The following TSHZ2 variants were observed in gnomAD, a reference collection of about 807,000 sequenced individuals.
The protein encoded by TSHZ2 is teashirt homolog 2.
In TSHZ2, 21 loss-of-function variants were observed where a neutral mutation model predicts 74.4. The ratio of observed to expected loss-of-function variants is 0.28; its 90% CI spans 0.20 to 0.41. The LOEUF (loss-of-function observed/expected upper bound fraction) is 0.41. Among genes scored for constraint, TSHZ2 ranks in the 10% least tolerant of loss-of-function variants. The pLI, the probability that TSHZ2 is intolerant of heterozygous loss-of-function variation, is 1.00. For synonymous variants in TSHZ2, 540 were observed against 515.3 expected (o/e 1.05, Z -0.65); for missense variants, 1,244 against 1,293.5 (o/e 0.96, Z 0.59).
chr20:53,179,575 C>T (rs756962234), intron 1 of TSHZ2: 1 of 152,180 alleles, frequency 6.6e-6, no homozygotes, highest in Non-Finnish European at 1.5e-5. Flanking sequence ...AGTAGGCTTA[C>T]TGAGTGATAG....
intron 2 of TSHZ2, among the ~76,000 whole-genome samples, chr20:53,338,622 AC>A (rs1980052889): frequency 6.6e-6 from 1 of 152,200 alleles, no homozygotes. Flanking sequence ...GCAGATAGAC[AC>A]CAGGGAAGCT....
At chr20:53,482,631 G>T (rs1986184855) in intron 2 of TSHZ2, among the ~76,000 whole-genome samples, 1 of 151,962 alleles carries the variant, frequency 6.6e-6, no homozygotes, top group Non-Finnish European at 1.5e-5. Context: ...GGCTGCACAT[G>T]GTGGCTCACG....
chr20:53,495,185 G>T lies in TSHZ2; in HGVS notation c.*8050G>T, dbSNP rs969182553. 13 of 152,232 alleles carry T rather than the reference G, an allele frequency of 8.5e-5. No homozygotes were observed. The highest frequency in any genetic ancestry group is 3.1e-4 in the African/African-American group (13 of 41,540). The allele number at this position is 152,232 out of a possible 1,614,324, so 9.4% of individuals were successfully genotyped here. On this transcript the variant is annotated 3_prime_UTR_variant, in exon 3 of 3. Coordinates refer to ENST00000371497, the MANE Select transcript of TSHZ2 (RefSeq NM_173485.6). ...CACAGATGCACTTAAAACATGAAAA[G>T]AATTATTTATATGATAAAAATATAT...
chr20:53,451,050 G>GA (rs935720784), intron 2 of TSHZ2, among the ~76,000 whole-genome samples: 3 of 151,912 alleles, frequency 2.0e-5, no homozygotes, highest in African/African-American at 7.3e-5. Flanking sequence ...AAACCTTTCT[G>GA]AAAAAAGTTG....
intron 1 of TSHZ2, among the ~76,000 whole-genome samples, chr20:53,014,192 C>T (rs555506058): frequency 7.1e-5 from 8 of 112,300 alleles, no homozygotes; most frequent in South Asian, 3.3e-4. Context: ...TCTCTTCATA[C>T]GGCAGAGAGA....
rs1223054915 is a variant in TSHZ2 at position 53,492,216 on chromosome 20, C to A, written c.*5081C>A. On this transcript the variant is annotated 3_prime_UTR_variant, in exon 3 of 3. Transcript: ENST00000371497. The stretch of plus-strand genomic sequence containing the variant: ...TATTAACAGAATTTGAACAATCATA[C>A]AATTATGTCTCAAATGTGAAGACTT... 6.6e-6 allele frequency: 1 copy of A among 152,138 alleles called. No individual in the cohort carries two copies. The highest frequency in any genetic ancestry group is 1.5e-5 in the Non-Finnish European group (1 of 68,026). 9.4% of individuals were successfully genotyped at this position (152,138 alleles called of 1,614,324 possible). A position where few individuals can be genotyped will look rare whatever the true frequency, so the allele number is the denominator to read the frequency against.
intron 1 of TSHZ2, among the ~76,000 whole-genome samples, chr20:53,196,801 G>C (rs905464173): frequency 6.6e-6 from 1 of 152,232 alleles, no homozygotes. Flanking sequence ...AGTCTTCACA[G>C]ATCTGTATTT....
At chr20:53,044,495 TCACTTAGCAAGAC>T (rs143671965) in intron 1 of TSHZ2, among the ~76,000 whole-genome samples, 3,179 of 152,254 alleles carry the variant, frequency 0.021, 94 homozygotes, top group South Asian at 0.14. Flanking sequence ...CCAGTAGCTC[TCACTTAGCAAGAC>T]ACTAGCTACG....
intron 1 of TSHZ2, among the ~76,000 whole-genome samples, chr20:53,165,715 G>A (rs1054907950): frequency 3.3e-5 from 5 of 152,346 alleles, no homozygotes; most frequent in African/African-American, 7.2e-5. Flanking sequence ...TAGTTAAGGC[G>A]TAGTTTGTGT....
At chr20:53,392,959 G>A (rs1401788463) in intron 2 of TSHZ2, among the ~76,000 whole-genome samples, 3 of 151,948 alleles carry the variant, frequency 2.0e-5, no homozygotes, top group Non-Finnish European at 2.9e-5. Flanking sequence ...TCAACCTCCC[G>A]AGTAGCTGGG....
chr20:53,022,457 T>C (rs549933256), intron 1 of TSHZ2, among the ~76,000 whole-genome samples: 4 of 152,316 alleles, frequency 2.6e-5, no homozygotes, highest in African/African-American at 9.6e-5. Context: ...TTTGATCAAA[T>C]TGGGCCAAAG....
At chr20:53,359,150 A>G (rs1175869045) in intron 2 of TSHZ2, among the ~76,000 whole-genome samples, 2 of 152,114 alleles carry the variant, frequency 1.3e-5, no homozygotes, top group Non-Finnish European at 2.9e-5. Flanking sequence ...ACATTATTTC[A>G]TCATTCGATC....
chr20:53,148,807 T>G (rs1368348648), intron 1 of TSHZ2, among the ~76,000 whole-genome samples: 2 of 152,178 alleles, frequency 1.3e-5, no homozygotes, highest in Non-Finnish European at 2.9e-5. Context: ...ATTGGAAATT[T>G]TATTGCTTTT....
At chr20:53,071,999 T>C (rs898724777) in intron 1 of TSHZ2, among the ~76,000 whole-genome samples, 2 of 152,142 alleles carry the variant, frequency 1.3e-5, no homozygotes, top group East Asian at 1.9e-4. Flanking sequence ...TGTCAGCTTG[T>C]GGGGTAGAGA....
chr20:53,405,006 T>C (rs974653848), intron 2 of TSHZ2, among the ~76,000 whole-genome samples: 1 of 152,202 alleles, frequency 6.6e-6, no homozygotes, highest in Non-Finnish European at 1.5e-5. Context: ...ATCTAGCATT[T>C]TGGGAGGCCG....
At chr20:53,176,811 C>T (rs1328204262) in intron 1 of TSHZ2, among the ~76,000 whole-genome samples, 5 of 151,726 alleles carry the variant, frequency 3.3e-5, no homozygotes, top group Admixed American at 6.6e-5. Context: ...CTCAGCCTCC[C>T]GAGTAGCTGG....
chr20:53,178,360 C>G (rs1214485935), intron 1 of TSHZ2: 1 of 152,232 alleles, frequency 6.6e-6, no homozygotes, highest in Non-Finnish European at 1.5e-5. Flanking sequence ...TTCTGCCTGT[C>G]ACTCTGAGAA....
In TSHZ2 at chr20:53,122,853, G is replaced by C. The variant is rs79886710; in HGVS notation, c.41-130646G>C. ...AGAATTGGTGGGGGACAGGGCATGA[G>C]GAAGGCCCACTCTCAACCCCCACTT... On this transcript the variant is annotated intron_variant, in intron 1 of 2. Coordinates refer to ENST00000371497, the MANE Select transcript of TSHZ2 (RefSeq NM_173485.6). 1.7e-3 allele frequency among the ~76,000 whole-genome samples: 257 copies of C among 152,276 alleles called. 3 individuals are homozygous for C. Among genetic ancestry groups the C allele is most frequent in the Middle Eastern group, 3.4e-3 (1 of 294 alleles).
chr20:53,029,492 A>G (rs1983560906), intron 1 of TSHZ2, among the ~76,000 whole-genome samples: 1 of 152,206 alleles, frequency 6.6e-6, no homozygotes, highest in East Asian at 1.9e-4. Flanking sequence ...CATGGCCAAC[A>G]TGGTGAAACC....
Sources: gnomAD v4.1 joint callset for allele counts (sites outside exome capture counted in the v4.1 genomes callset) on GRCh38, gnomAD v4.1.1 for gene constraint, MANE v1.5 for transcripts, NCBI Gene and HGNC (gene_info 2026-07-23, HGNC 2026-07-21) for gene names.